Variants in COL18A1 observed in about 807,000 individuals in gnomAD.
The protein encoded by COL18A1 is collagen alpha-1(XVIII) chain.
COL18A1 carries 133 observed loss-of-function variants against 168.0 expected under a neutral mutation model. The ratio of observed to expected loss-of-function variants is 0.79; its 90% CI spans 0.69 to 0.91. The LOEUF is 0.91. COL18A1 is among the 40% of genes least tolerant of loss of function. The probability of loss-of-function intolerance (pLI) is 0.00; values close to 1 mark genes in which losing one functional copy is unlikely to be tolerated. For missense variants in COL18A1, 2,126 were observed against 1,925.4 expected (o/e 1.10, Z -1.95); for synonymous variants, 949 against 809.0 (o/e 1.17, Z -2.94).
chr21:45,492,817 C>G, intron 24 of COL18A1, 104 bp downstream of exon 24: 2 of 879,590 alleles, frequency 2.3e-6, no homozygotes, highest in East Asian at 2.5e-5. Flanking sequence ...TTGTCAGGCC[C>G]GAGGGATAGC....
intron 2 of COL18A1, among the ~76,000 whole-genome samples, chr21:45,437,874 ACAGG>A (rs1416180782): frequency 9.0e-5 from 6 of 66,906 alleles, no homozygotes; most frequent in African/African-American, 6.7e-4. Flanking sequence ...ACTCAGACAC[ACAGG>A]CACTCTCCTG....
Position 45,497,926 on chromosome 21 carries a change from G to C in COL18A1, c.2683+265G>C, listed in dbSNP as rs530516380. ...AGCAGATGGCTGCCCTTCCATGCTA[G>C]ACCCAGGTGGGCACTGCGCAGAGAC... On this transcript the variant is annotated intron_variant, in intron 32 of 41. Transcript: ENST00000651438. The C allele has an allele frequency of 3.7e-4, 224 of 606,942 alleles. 1 individual carries two copies. The highest frequency in any genetic ancestry group is 3.6e-3 in the African/African-American group (196 of 54,092). The allele number at this position is 606,942 out of a possible 1,614,324, so 37.6% of individuals were successfully genotyped here.
intron 7 of COL18A1, 29 bp from the exon 8 acceptor site, chr21:45,477,720 GC>G (rs1426806483): frequency 2.6e-6 from 4 of 1,513,496 alleles, no homozygotes; most frequent in Non-Finnish European, 3.5e-6. Flanking sequence ...CCCCACCCCA[GC>G]CCGAGCCCTG....
intron 2 of COL18A1, among the ~76,000 whole-genome samples, chr21:45,440,769 C>T (rs1053473731): frequency 6.6e-6 from 1 of 152,188 alleles, no homozygotes; most frequent in Non-Finnish European, 1.5e-5. Context: ...ACGTGGGGAT[C>T]GTGTCTAAGC....
chr21:45,481,570 G>C (rs1413055976), intron 13 of COL18A1, among the ~76,000 whole-genome samples: 2 of 152,246 alleles, frequency 1.3e-5, no homozygotes. Context: ...GTCACCATCG[G>C]CTCTGAGGCC....
At chr21:45,509,137 C>A (rs2037420947) in intron 38 of COL18A1, among the ~76,000 whole-genome samples, 1 of 152,076 alleles carries the variant, frequency 6.6e-6, no homozygotes, top group Non-Finnish European at 1.5e-5. Flanking sequence ...GTCTGTGGGG[C>A]CTGAGCAGAG....
intron 2 of COL18A1, among the ~76,000 whole-genome samples, chr21:45,419,492 G>T (rs2033555059): frequency 6.6e-6 from 1 of 152,086 alleles, no homozygotes; most frequent in South Asian, 2.1e-4. Context: ...GCTCTCTGAG[G>T]CCGCCCATCA....
intron 32 of COL18A1, among the ~76,000 whole-genome samples, chr21:45,500,194 TG>T (rs2036699056): frequency 2.0e-5 from 1 of 50,416 alleles, no homozygotes; most frequent in Non-Finnish European, 3.8e-5. Context: ...TGGGTGTGTG[TG>T]GAGTGTGTGT....
At chr21:45,448,027 C>T (rs1013926011) in intron 2 of COL18A1, among the ~76,000 whole-genome samples, 2 of 152,142 alleles carry the variant, frequency 1.3e-5, no homozygotes, top group African/African-American at 2.4e-5. Context: ...GGACATGGAT[C>T]GAGGTCTGAA....
chr21:45,473,774 CT>C lies in COL18A1; in HGVS notation c.652-119del, dbSNP rs1568898239. On this transcript the variant is annotated intron_variant, in intron 3 of 41. Transcript: ENST00000651438. This position sits in a 1 kb window ranked among gnomAD's most constrained non-coding sequence, Gnocchi z 4.0. The stretch of plus-strand genomic sequence containing the variant: ...CCCCCAGGGAGGCTGCCCGAGACCC[CT>C]TCCCTCTCCGAGACTCTCCTGCCCT... The C allele has an allele frequency of 3.6e-6, 3 of 835,440 alleles. No individual in the cohort carries two copies. The highest frequency in any genetic ancestry group is 1.7e-5 in the African/African-American group (1 of 59,526). The allele number at this position is 835,440 out of a possible 1,614,324, so 51.8% of individuals were successfully genotyped here.
At position 45,512,278 on chromosome 21, in the gene COL18A1, G is replaced by C. The variant is rs375390952; in HGVS notation, c.3900G>C (p.Ser1300=). 5 of 1,611,666 alleles carry C rather than the reference G, an allele frequency of 3.1e-6. No homozygotes were observed. Among genetic ancestry groups the C allele is most frequent in the African/African-American group, 2.7e-5 (2 of 74,896 alleles). Reference sequence around the variant, plus strand: ...AGACGTGGCGGACGGAGGCTCCCTCGGCCACGGGCCAGGCCTCCTCGCTGC... The same window carrying C: ...AGACGTGGCGGACGGAGGCTCCCTCCGCCACGGGCCAGGCCTCCTCGCTGC... ...YCETWRTEAP[S]ATGQASSLLG... Residue 1300 remains serine (S), a synonymous_variant, in exon 42 of 42, where the codon TCG becomes TCC. Coordinates refer to ENST00000651438, the MANE Select transcript of COL18A1 (RefSeq NM_001379500.1).
intron 29 of COL18A1, chr21:45,495,951 T>C (rs537957548): frequency 8.5e-4 from 279 of 328,478 alleles, no homozygotes; most frequent in African/African-American, 5.2e-3. Context: ...TGTATACTCA[T>C]GCACACATAC....
In COL18A1 at chr21:45,501,554, C is replaced by T. The variant is rs190668102; in HGVS notation, c.2684-2457C>T. Among the ~76,000 whole-genome samples the T allele has an allele frequency of 1.5e-3, 224 of 152,278 alleles. 1 individual carries two copies. Among genetic ancestry groups the T allele is most frequent in the African/African-American group, 5.1e-3 (211 of 41,530 alleles). ...AGGAGAAGCAGGTGGAAGTCAGAAA[C>T]CCCTGGGAGCTTAGGTGCGTCCAGG... On this transcript the variant is annotated intron_variant, in intron 32 of 41. Transcript: ENST00000651438.
intron 2 of COL18A1, among the ~76,000 whole-genome samples, chr21:45,405,719 C>A (rs1296773845): frequency 2.7e-5 from 4 of 150,294 alleles, no homozygotes; most frequent in African/African-American, 9.7e-5. Context: ...CCGGAGTCCC[C>A]GCGCGGGGAC....
Position 45,509,403 on chromosome 21 carries a change from CAGCAACCCCTACCCGCGGCGGG to C in COL18A1, c.3302_3323del (p.Asn1101ThrfsTer143). The C allele has an allele frequency of 6.5e-7, 1 of 1,543,190 alleles. No homozygotes were observed. Among genetic ancestry groups the C allele is most frequent in the Non-Finnish European group, 8.7e-7 (1 of 1,145,212 alleles). ...AGCCCCCCGTGGTGCAGCTGCACGA[CAGCAACCCCTACCCGCGGCGGG>C]AGCACCCCCACCCCACCGCGCGGCC... is the stretch of plus-strand genomic sequence containing the variant. On this transcript the variant is annotated frameshift_variant, in exon 39 of 42. Transcript: ENST00000651438. LOFTEE classifies it high-confidence loss of function.
chr21:45,495,645 CG>C, intron 29 of COL18A1: 3 of 568,432 alleles, frequency 5.3e-6, no homozygotes, highest in Non-Finnish European at 9.8e-6. Context: ...CATATATGGC[CG>C]TACTCATACA....
At chr21:45,416,747 T>A (rs13051207) in intron 2 of COL18A1, among the ~76,000 whole-genome samples, 1 of 151,930 alleles carries the variant, frequency 6.6e-6, no homozygotes, top group Non-Finnish European at 1.5e-5. Flanking sequence ...GTGCAGCCTC[T>A]ACTCTCCCAC....
At chr21:45,461,745 G>A (rs1417984188) in intron 2 of COL18A1, among the ~76,000 whole-genome samples, 1 of 152,182 alleles carries the variant, frequency 6.6e-6, no homozygotes, top group Non-Finnish European at 1.5e-5. Context: ...TTGCTTCTAT[G>A]CCTGCCTTAT....
rs1406165482 is a variant in COL18A1, at chr21:45,473,866, T to C, written c.652-29T>C. The stretch of plus-strand genomic sequence containing the variant: ...GTTGCCACTGCCACCTCAGGACCGC[T>C]GGTGACCCCTTTCTCTGTCTGCATT... On this transcript the variant is annotated intron_variant, in intron 3 of 41. Transcript: ENST00000651438. This position sits in a 1 kb window ranked among gnomAD's most constrained non-coding sequence, Gnocchi z 4.0. 1 of 1,566,142 alleles carries C rather than the reference T, an allele frequency of 6.4e-7. No individual in the cohort carries two copies. Among genetic ancestry groups the C allele is most frequent in the Non-Finnish European group, 8.7e-7 (1 of 1,153,570 alleles).
Sources: allele counts gnomAD v4.1 joint callset (sites outside exome capture counted in the v4.1 genomes callset), GRCh38; gene constraint gnomAD v4.1.1; non-coding constraint Gnocchi (gnomAD v3.1); transcripts MANE v1.5; gene names NCBI Gene and HGNC (gene_info 2026-07-23, HGNC 2026-07-21).